Variants in ST8SIA6 observed in about 807,000 individuals in gnomAD.
ST8SIA6 encodes the protein ST8 alpha-N-acetyl-neuraminide alpha-2,8-sialyltransferase 6.
Under a neutral mutation model 33.6 loss-of-function variants are expected in ST8SIA6, and 39 were observed. The ratio of observed to expected loss-of-function variants is 1.16; its 90% CI spans 0.90 to 1.52. The LOEUF (loss-of-function observed/expected upper bound fraction) is 1.52. Ranked by LOEUF, ST8SIA6 falls within the 40% of genes most tolerant of loss-of-function variation. The pLI, the probability that ST8SIA6 is intolerant of heterozygous loss-of-function variation, is 0.00. For synonymous variants in ST8SIA6, 172 were observed against 167.2 expected (o/e 1.03, Z -0.22); for missense variants, 441 against 443.8 (o/e 0.99, Z 0.06).
At chr10:17,350,887 C>T (rs2131608175) in intron 4 of ST8SIA6, among the ~76,000 whole-genome samples, 1 of 152,092 alleles carries the variant, frequency 6.6e-6, no homozygotes, top group South Asian at 2.1e-4. Flanking sequence ...ACTAGGGCTC[C>T]CTCAAAAAAT....
At chr10:17,407,083 C>T (rs182194045) in intron 2 of ST8SIA6, among the ~76,000 whole-genome samples, 7 of 152,250 alleles carry the variant, frequency 4.6e-5, no homozygotes, top group Admixed American at 3.9e-4. Flanking sequence ...TGAACCACCA[C>T]GTCCGGCTAC....
intron 4 of ST8SIA6, among the ~76,000 whole-genome samples, chr10:17,345,024 G>T (rs1327568265): frequency 7.0e-6 from 1 of 142,800 alleles, no homozygotes; most frequent in Non-Finnish European, 1.5e-5. Flanking sequence ...ATCCCATGGA[G>T]AACTCTTAGC....
intron 2 of ST8SIA6, among the ~76,000 whole-genome samples, chr10:17,448,782 ATTTTTTTTT>A (rs753562099): frequency 4.0e-5 from 5 of 123,554 alleles, no homozygotes; most frequent in Non-Finnish European, 8.4e-5. Context: ...CGCCAGGCTA[ATTTTTTTTT>A]TTTTTTTTTT....
chr10:17,439,962 C>T (rs1026515060), intron 2 of ST8SIA6, among the ~76,000 whole-genome samples: 1 of 152,180 alleles, frequency 6.6e-6, no homozygotes, highest in Admixed American at 6.5e-5. Flanking sequence ...TGTGGATCTT[C>T]CAACGAGGAA....
intron 4 of ST8SIA6, among the ~76,000 whole-genome samples, chr10:17,357,404 G>T (rs1403300999): frequency 6.6e-6 from 1 of 151,530 alleles, no homozygotes; most frequent in African/African-American, 2.4e-5. Flanking sequence ...CCAAAGTGCT[G>T]GGATTACAGG....
At chr10:17,415,394 G>A (rs563175548) in intron 2 of ST8SIA6, among the ~76,000 whole-genome samples, 1 of 152,152 alleles carries the variant, frequency 6.6e-6, no homozygotes, top group South Asian at 2.1e-4. Context: ...ATGACTGGGA[G>A]AAGACTGAAG....
rs568296690 is a variant in ST8SIA6 at position 17,365,276 on chromosome 10, AC to A, written c.291-5677del. 3.7e-4 allele frequency among the ~76,000 whole-genome samples: 56 copies of A among 152,320 alleles called. 1 individual carries two copies. In the South Asian group the frequency reaches 0.01, roughly 28 times the overall value. ...TAGAAACGTCTCTTTGAAGATGAAGACCCACATGCTGTGACTACTTTTATCT... is the reference window on the plus strand; with the variant it reads ...TAGAAACGTCTCTTTGAAGATGAAGACCACATGCTGTGACTACTTTTATCT... On this transcript the variant is annotated intron_variant, in intron 3 of 7. Transcript: ENST00000377602.
chr10:17,423,260 G>C (rs527465087), intron 2 of ST8SIA6, among the ~76,000 whole-genome samples: 3 of 152,280 alleles, frequency 2.0e-5, no homozygotes, highest in East Asian at 1.9e-4. Context: ...TTACAATTGC[G>C]CACTTCTGTT....
Position 17,320,823 on chromosome 10 carries a change from T to C in ST8SIA6, c.*55A>G, listed in dbSNP as rs901244928. On this transcript the variant is annotated 3_prime_UTR_variant, in exon 8 of 8. Coordinates refer to ENST00000377602, the MANE Select transcript of ST8SIA6 (RefSeq NM_001004470.3). Reference sequence around the variant, plus strand: ...CCACCTCCTTTGGTGTTTGGAGACATTGTTAATCACCTACTGCATTATATT... The same window carrying C: ...CCACCTCCTTTGGTGTTTGGAGACACTGTTAATCACCTACTGCATTATATT... 4.2e-5 allele frequency: 65 copies of C among 1,562,432 alleles called. No homozygotes were observed. Among genetic ancestry groups the C allele is most frequent in the Non-Finnish European group, 5.5e-5 (63 of 1,142,380 alleles).
chr10:17,360,361 A>G (rs928155167), intron 3 of ST8SIA6, among the ~76,000 whole-genome samples: 3 of 152,150 alleles, frequency 2.0e-5, no homozygotes, highest in African/African-American at 7.2e-5. Flanking sequence ...GATAGAATAT[A>G]TGTTGAAGAC....
chr10:17,356,618 C>T (rs1224473359), intron 4 of ST8SIA6, among the ~76,000 whole-genome samples: 1 of 152,040 alleles, frequency 6.6e-6, no homozygotes, highest in Admixed American at 6.6e-5. Flanking sequence ...GAACTCCTGG[C>T]CTCAAGTGAT....
chr10:17,448,498 T>C (rs1031149159), intron 2 of ST8SIA6, among the ~76,000 whole-genome samples: 5 of 152,210 alleles, frequency 3.3e-5, no homozygotes, highest in Non-Finnish European at 7.3e-5. Flanking sequence ...TACACAAGCT[T>C]GTGCGGGCCG....
rs937153789 is a variant in ST8SIA6 at position 17,324,993 on chromosome 10, A to G, written c.636-1836T>C. ...AATATGTAATATATAATATGTATAC[A>G]TATTATAAATATATAACACATAATA... On this transcript the variant is annotated intron_variant, in intron 6 of 7. Transcript: ENST00000377602. Among the ~76,000 whole-genome samples the G allele has an allele frequency of 2.1e-5, 3 of 144,206 alleles. No homozygotes were observed. In the Admixed American group the frequency reaches 2.1e-4, roughly 10 times the overall value. The allele number at this position is 144,206 out of a possible 152,430, so 94.6% of individuals were successfully genotyped here. A position where few individuals can be genotyped will look rare whatever the true frequency, so the allele number is the denominator to read the frequency against.
chr10:17,339,524 A>G (rs570577907), intron 4 of ST8SIA6, among the ~76,000 whole-genome samples: 3 of 152,334 alleles, frequency 2.0e-5, no homozygotes, highest in African/African-American at 7.2e-5. Context: ...TACCATCCAA[A>G]TCATTTCTAA....
chr10:17,446,846 T>C (rs2131745162), intron 2 of ST8SIA6, among the ~76,000 whole-genome samples: 1 of 151,062 alleles, frequency 6.6e-6, no homozygotes, highest in African/African-American at 2.4e-5. Flanking sequence ...GTGAATCACC[T>C]GAGGTCAGGA....
chr10:17,369,464 G>C (rs1443998203), intron 3 of ST8SIA6, among the ~76,000 whole-genome samples: 1 of 152,010 alleles, frequency 6.6e-6, no homozygotes, highest in African/African-American at 2.4e-5. Context: ...TCTTTTAAAT[G>C]TACTGCATTT....
Position 17,359,527 on chromosome 10 carries a change from A to G in ST8SIA6, c.364T>C (p.Tyr122His), listed in dbSNP as rs749165334. The change falls in exon 4 of 8, where the codon TAT becomes CAT. Residue 122 changes from tyrosine to histidine, a missense_variant. Tyr to His is a moderately conservative substitution (Grantham distance 83). Coordinates refer to ENST00000377602, the MANE Select transcript of ST8SIA6 (RefSeq NM_001004470.3). ...SCPWKRQAEE[Y>H]ANFRAKLASC... ...GAAAAAAATTACCTAAAATTTGCAT[A>G]TTCTTCTGCTTGCCGTTTCCATGGA... 58 of 1,604,310 alleles carry G rather than the reference A, an allele frequency of 3.6e-5. No homozygotes were observed. Among genetic ancestry groups the G allele is most frequent in the Non-Finnish European group, 4.5e-5 (53 of 1,176,042 alleles).
rs201621531 is a variant in ST8SIA6 at position 17,326,969 on chromosome 10, C to A, written c.635+45G>T. On this transcript the variant is annotated intron_variant, in intron 6 of 7. Transcript: ENST00000377602. The stretch of plus-strand genomic sequence containing the variant: ...TTTACACTATCCCCCTCTGAAATAC[C>A]CAACTGATCTATTGTTTCAAAGAAA... 10 of 1,357,444 alleles carry A rather than the reference C, an allele frequency of 7.4e-6. No homozygotes were observed. The Middle Eastern group carries it at 5.6e-4, about 76-fold the overall frequency. The allele number at this position is 1,357,444 out of a possible 1,614,324, so 84.1% of individuals were successfully genotyped here. A position where few individuals can be genotyped will look rare whatever the true frequency, so the allele number is the denominator to read the frequency against.
chr10:17,360,935 AAAGG>A (rs796071249), intron 3 of ST8SIA6, among the ~76,000 whole-genome samples: 190 of 142,520 alleles, frequency 1.3e-3, no homozygotes, highest in African/African-American at 4.8e-3. Flanking sequence ...AAGAAGAGGA[AAAGG>A]AAGAAGAAGA....
Sources: gnomAD v4.1 joint callset for allele counts (sites outside exome capture counted in the v4.1 genomes callset) on GRCh38, gnomAD v4.1.1 for gene constraint, MANE v1.5 for transcripts, NCBI Gene and HGNC (gene_info 2026-07-23, HGNC 2026-07-21) for gene names.